RHBG: variants seen among roughly 807,000 people sequenced by gnomAD.
RHBG encodes the protein Rh family B glycoprotein.
Under a neutral mutation model 40.1 loss-of-function variants are expected in RHBG, and 39 were observed. The ratio of observed to expected loss-of-function variants is 0.97; its 90% CI spans 0.75 to 1.27. RHBG has a LOEUF of 1.27. Ranked by LOEUF, RHBG falls within the 50% of genes most tolerant of loss-of-function variation. The pLI, the probability that RHBG is intolerant of heterozygous loss-of-function variation, is 0.00. For missense variants in RHBG, 549 were observed against 588.1 expected (o/e 0.93, Z 0.69); for synonymous variants, 237 against 252.5 (o/e 0.94, Z 0.58).
intron 1 of RHBG, among the ~76,000 whole-genome samples, chr1:156,370,934 G>T (rs1347524111): frequency 6.7e-6 from 1 of 148,358 alleles, no homozygotes; most frequent in Non-Finnish European, 1.5e-5. Flanking sequence ...ACCTTCAAAG[G>T]TTGGGGACCC....
In RHBG at chr1:156,381,388, G is replaced by A. The variant is rs1430549012; in HGVS notation, c.715G>A (p.Ala239Thr). The change falls in exon 5 of 10, where the codon GCA (alanine) becomes ACA (threonine). Residue 239 changes from alanine to threonine, a missense_variant. By Grantham distance (58) the Ala-to-Thr change is moderately conservative (BLOSUM62 0). Around this residue, in one of 3 missense-constraint regions of RHBG, gnomAD observed 399 missense variants for 417.0 expected, o/e 0.96. Coordinates refer to ENST00000537040, the MANE Select transcript of RHBG (RefSeq NM_020407.5). ...GATCTTCTGGCCTAGCTTCAATGCTGCACTCACAGCGCTGGGGGCTGGGCA... is the reference window on the plus strand; with the variant it reads ...GATCTTCTGGCCTAGCTTCAATGCTACACTCACAGCGCTGGGGGCTGGGCA... The part of the protein sequence containing the change: ...LWIFWPSFNA[A>T]LTALGAGQHR... 6.2e-7 allele frequency: 1 copy of A among 1,614,184 alleles called. No homozygotes were observed.
chr1:156,381,744 G>A (rs917181937), intron 5 of RHBG, 62 bp from the exon 6 acceptor site: 3 of 1,541,112 alleles, frequency 1.9e-6, no homozygotes, highest in Non-Finnish European at 2.6e-6. Context: ...GTGGTGTGTA[G>A]GGTTGGGTTG....
intron 6 of RHBG, 58 bp downstream of exon 6, chr1:156,382,001 G>T (rs3748568): frequency 5.6e-6 from 9 of 1,607,616 alleles, no homozygotes; most frequent in Non-Finnish European, 7.6e-6. Context: ...CTTTCCTCCC[G>T]CCTCTCCAAC....
Position 156,384,788 on chromosome 1 carries a change from G to T in RHBG, c.1320G>T (p.Glu440Asp). The T allele has an allele frequency of 6.2e-7, 1 of 1,614,044 alleles. No homozygotes were observed. The highest frequency in any genetic ancestry group is 1.7e-4 in the Middle Eastern group (1 of 6,056). ...EDQVHWQVPG[E>D]HEDKAQRPLR... is the part of the protein sequence containing the mutation. ...CTCCTGCCTTCCAGGTGCCTGGCGA[G>T]CATGAGGATAAAGCCCAGAGACCTC... The change falls in exon 10 of 10, where the codon GAG becomes GAT. Residue 440 changes from glutamate to aspartate, a missense_variant. This residue lies in a region of RHBG where 399 missense variants were observed against 417.0 expected (regional missense o/e 0.96). Transcript: ENST00000537040.
At chr1:156,383,334 A>G (rs575962356) in intron 8 of RHBG, among the ~76,000 whole-genome samples, 1 of 152,344 alleles carries the variant, frequency 6.6e-6, no homozygotes, top group African/African-American at 2.4e-5. Flanking sequence ...TTTGGCCTTC[A>G]AAATAAAACC....
Position 156,378,090 on chromosome 1 carries a change from G to C in RHBG, c.475G>C (p.Glu159Gln), listed in dbSNP as rs560918878. Reference protein sequence around the residue: ...PTQLLLMALLEVVLFGINEFV... With the variant: ...PTQLLLMALLQVVLFGINEFV... ...CCAGCTGCTGCTCATGGCCCTGCTG[G>C]AGGTGGTGCTGTTTGGCATCAATGA... Residue 159 changes from glutamate (E) to glutamine (Q), a missense_variant, in exon 3 of 10, where the codon GAG becomes CAG. By Grantham distance (29) the Glu-to-Gln change is conservative. Transcript: ENST00000537040. 8.1e-6 allele frequency: 13 copies of C among 1,612,356 alleles called. No individual in the cohort carries two copies. The South Asian group carries it at 9.9e-5, about 12-fold the overall frequency.
chr1:156,370,451 G>A (rs867334897), intron 1 of RHBG, among the ~76,000 whole-genome samples: 16 of 139,306 alleles, frequency 1.1e-4, no homozygotes, highest in South Asian at 2.3e-4. Context: ...TCCATCTCGA[G>A]AAAAAAAAAA....
chr1:156,381,818 A>G lies in RHBG; in HGVS notation c.853A>G (p.Asn285Asp). 6.3e-7 allele frequency: 1 copy of G among 1,583,710 alleles called. No homozygotes were observed. Among genetic ancestry groups the G allele is most frequent in the Non-Finnish European group, 8.5e-7 (1 of 1,172,472 alleles). ...DGRLDMVHIQ[N>D]AALAGGVVVG... ...GCTCTTCCCTTAGGTCCACATCCAA[A>G]ATGCAGCGCTGGCTGGAGGGGTTGT... The change falls in exon 6 of 10, where the codon AAT (asparagine) becomes GAT (aspartate). Residue 285 changes from asparagine (N) to aspartate (D), a missense_variant. Physicochemically the swap from Asn to Asp is conservative, Grantham distance 23. Transcript: ENST00000537040.
rs1667656328 is a variant in RHBG, at chr1:156,381,789, C to G, written c.841-17C>G. ...TGACAATCTGAAAGGGCCTCCAACA[C>G]CTTGCTCTTCCCTTAGGTCCACATC... On this transcript the variant is annotated splice_polypyrimidine_tract_variant and intron_variant, in intron 5 of 9. Coordinates refer to ENST00000537040, the MANE Select transcript of RHBG (RefSeq NM_020407.5). 1.9e-6 allele frequency: 3 copies of G among 1,576,272 alleles called. No individual in the cohort carries two copies. Among genetic ancestry groups the G allele is most frequent in the South Asian group, 2.3e-5 (2 of 85,206 alleles).
rs748185285 is a variant in RHBG, at chr1:156,377,189, T to C, written c.188-112T>C. 2.0e-4 allele frequency: 254 copies of C among 1,254,810 alleles called. No individual in the cohort carries two copies. The highest frequency in any genetic ancestry group is 2.7e-4 in the Non-Finnish European group (235 of 885,018). The allele number at this position is 1,254,810 out of a possible 1,614,324, so 77.7% of individuals were successfully genotyped here. ...GCCTGGGGAGTTTTATAGGCTCGGC[T>C]CAAGGCAGCCCTGGCTGGTGAGAGC... is the stretch of plus-strand genomic sequence containing the variant. On this transcript the variant is annotated intron_variant, in intron 1 of 9. Coordinates refer to ENST00000537040, the MANE Select transcript of RHBG (RefSeq NM_020407.5). This position sits in a 1 kb window ranked among gnomAD's most constrained non-coding sequence, Gnocchi z 4.6.
intron 8 of RHBG, 70 bp from the exon 9 acceptor site, chr1:156,384,457 G>T (rs1268783165): frequency 7.1e-7 from 1 of 1,412,226 alleles, no homozygotes; most frequent in East Asian, 2.3e-5. Context: ...GTGCCCTGTG[G>T]CACTGGGTGG....
intron 4 of RHBG, 50 bp from the exon 5 acceptor site, chr1:156,381,297 C>G: frequency 6.3e-7 from 1 of 1,587,048 alleles, no homozygotes; most frequent in Non-Finnish European, 8.6e-7. Context: ...TTGTACCTTG[C>G]GTGGGAGTCA....
chr1:156,378,015 G>T lies in RHBG; in HGVS notation c.400G>T (p.Gly134Trp). The change falls in exon 3 of 10, where the codon GGG (glycine) becomes TGG (tryptophan). Residue 134 changes from glycine (G) to tryptophan (W), a missense_variant. This residue lies in a region of RHBG where 399 missense variants were observed against 417.0 expected (regional missense o/e 0.96). Transcript: ENST00000537040. ...CATGATCAATGCTGACTTTTGTGCGGGGGCCGTGCTCATCTCCTTTGGTGC... is the reference window on the plus strand; with the variant it reads ...CATGATCAATGCTGACTTTTGTGCGTGGGCCGTGCTCATCTCCTTTGGTGC... Reference protein sequence around the residue: ...ESMINADFCAGAVLISFGAVL... With the variant: ...ESMINADFCAWAVLISFGAVL... The T allele has an allele frequency of 1.3e-6, 2 of 1,556,674 alleles. No homozygotes were observed. Among genetic ancestry groups the T allele is most frequent in the Non-Finnish European group, 1.7e-6 (2 of 1,148,766 alleles).
chr1:156,373,801 A>AATAG, intron 1 of RHBG, among the ~76,000 whole-genome samples: 1 of 152,312 alleles, frequency 6.6e-6, no homozygotes. Context: ...TGAGCACAAG[A>AATAG]ATAGACATGG....
chr1:156,377,140 C>T lies in RHBG; in HGVS notation c.188-161C>T, dbSNP rs1667257213. ...AAGCTGGCCAGCTCTGCGCAGGTGG[C>T]TCAGGGCTGGGAGCCCCTGACATGC... On this transcript the variant is annotated intron_variant, in intron 1 of 9. Transcript: ENST00000537040. This position sits in a 1 kb window ranked among gnomAD's most constrained non-coding sequence, Gnocchi z 4.6. Among the ~76,000 whole-genome samples the T allele has an allele frequency of 6.6e-6, 1 of 152,210 alleles. No individual in the cohort carries two copies. The highest frequency in any genetic ancestry group is 6.5e-5 in the Admixed American group (1 of 15,288).
rs750283382 is a variant in RHBG, at chr1:156,381,468, C to CT, written c.798dup (p.Ala267CysfsTer13). On this transcript the variant is annotated frameshift_variant, in exon 5 of 10. Transcript: ENST00000537040. LOFTEE classifies it high-confidence loss of function. ...CCCTGGCTGCCAGCACCCTTGGCAC[C>CT]TTTGCCTTGTCAGCCCTTGTAGGGG... 4.0e-5 allele frequency: 65 copies of CT among 1,613,716 alleles called. No individual in the cohort carries two copies. Among genetic ancestry groups the CT allele is most frequent in the Non-Finnish European group, 4.8e-5 (57 of 1,179,816 alleles).
rs1047305968 is a variant in RHBG at position 156,375,077 on chromosome 1, C to CT, written c.188-2213dup. On this transcript the variant is annotated intron_variant, in intron 1 of 9. Transcript: ENST00000537040. ...GCTGGCAGCTGCAGACCTCTAATTTCTTTTTTTTTTTGAGACAGAGTTTCG... is the reference window on the plus strand; with the variant it reads ...GCTGGCAGCTGCAGACCTCTAATTTCTTTTTTTTTTTTGAGACAGAGTTTCG... 4.3e-3 allele frequency among the ~76,000 whole-genome samples: 605 copies of CT among 140,786 alleles called. 2 individuals carry two copies. The highest frequency in any genetic ancestry group is 0.012 in the African/African-American group (461 of 38,432). 92.4% of individuals were successfully genotyped at this position (140,786 alleles called of 152,430 possible).
Position 156,369,311 on chromosome 1 carries a change from T to A in RHBG, c.62T>A (p.Phe21Tyr), listed in dbSNP as rs1303405187. 6.2e-7 allele frequency: 1 copy of A among 1,614,168 alleles called. No individual in the cohort carries two copies. Among genetic ancestry groups the A allele is most frequent in the Admixed American group, 1.7e-5 (1 of 60,024 alleles). The change falls in exon 1 of 10, where the codon TTC becomes TAC. Residue 21 changes from phenylalanine to tyrosine, a missense_variant. By Grantham distance (22) the Phe-to-Tyr change is conservative. Coordinates refer to ENST00000537040, the MANE Select transcript of RHBG (RefSeq NM_020407.5). ...RRLQLPLLCL[F>Y]LQGATAVLFA... ...CTGCAGCTTCCCCTGCTGTGCCTCT[T>A]CCTCCAGGGCGCCACTGCCGTCCTC... is the stretch of plus-strand genomic sequence containing the variant.
intron 4 of RHBG, 88 bp downstream of exon 4, chr1:156,378,487 C>G: frequency 6.8e-7 from 1 of 1,468,034 alleles, no homozygotes; most frequent in Non-Finnish European, 9.2e-7. Context: ...GGGGTGCTGA[C>G]TGCAGTCCTG....
Sources: allele counts gnomAD v4.1 joint callset (sites outside exome capture counted in the v4.1 genomes callset), GRCh38; gene constraint gnomAD v4.1.1; regional missense constraint gnomAD v4.1.1; non-coding constraint Gnocchi (gnomAD v3.1); transcripts MANE v1.5; gene names NCBI Gene and HGNC (gene_info 2026-07-23, HGNC 2026-07-21).